Variants in FLT1 observed in about 807,000 individuals in gnomAD.
FLT1 encodes the protein fms related receptor tyrosine kinase 1, also known as vascular endothelial growth factor receptor 1.
Under a neutral mutation model 156.3 loss-of-function variants are expected in FLT1, and 49 were observed. That is an observed-to-expected ratio of 0.31 (90% CI 0.25 to 0.40). The LOEUF is 0.40. FLT1 is among the 10% of genes least tolerant of loss of function. The pLI is 1.00. For synonymous variants in FLT1, 594 were observed against 583.8 expected (o/e 1.02, Z -0.25); for missense variants, 1,322 against 1,637.2 (o/e 0.81, Z 3.32).
At chr13:28,309,423 G>C (rs758672891) in intron 27 of FLT1, among the ~76,000 whole-genome samples, 4 of 152,188 alleles carry the variant, frequency 2.6e-5, no homozygotes, top group South Asian at 2.1e-4. Context: ...GGGAGAATTG[G>C]GTAGTGTTGT....
Position 28,368,629 on chromosome 13 carries a change from TGAC to T in FLT1, c.2117-10947_2117-10945del, listed in dbSNP as rs1183638482. ...ATGATGATGATGACAATGGTGATGATGACGATGACGATGGTGACGTTGATGTAT... is the reference window on the plus strand; with the variant it reads ...ATGATGATGATGACAATGGTGATGATGATGACGATGGTGACGTTGATGTAT... On this transcript the variant is annotated intron_variant, in intron 14 of 29. Coordinates refer to ENST00000282397, the MANE Select transcript of FLT1 (RefSeq NM_002019.4). 3 of 1,277,388 alleles carry T rather than the reference TGAC, an allele frequency of 2.3e-6. No individual in the cohort carries two copies. The African/African-American group carries it at 4.5e-5, about 19-fold the overall frequency. The allele number at this position is 1,277,388 out of a possible 1,614,324, so 79.1% of individuals were successfully genotyped here. A position where few individuals can be genotyped will look rare whatever the true frequency, so the allele number is the denominator to read the frequency against.
intron 25 of FLT1, among the ~76,000 whole-genome samples, chr13:28,312,810 AC>A (rs2138815400): frequency 6.6e-6 from 1 of 152,262 alleles, no homozygotes; most frequent in African/African-American, 2.4e-5. Context: ...AGCCGCTGTT[AC>A]AAACTGGCCT....
intron 11 of FLT1, among the ~76,000 whole-genome samples, chr13:28,403,461 TGG>T (rs1875588910): frequency 6.6e-6 from 1 of 152,226 alleles, no homozygotes; most frequent in Non-Finnish European, 1.5e-5. Context: ...TGCCACTTCA[TGG>T]TTTGGGTTAG....
intron 20 of FLT1, among the ~76,000 whole-genome samples, chr13:28,327,239 T>C (rs1300076368): frequency 2.0e-5 from 3 of 152,266 alleles, no homozygotes; most frequent in Non-Finnish European, 4.4e-5. Context: ...TCTCCAATTA[T>C]GGCTGCATAC....
chr13:28,456,343 C>T (rs1879261894), intron 3 of FLT1, among the ~76,000 whole-genome samples: 1 of 151,462 alleles, frequency 6.6e-6, no homozygotes, highest in Admixed American at 6.6e-5. Context: ...GAATATTATT[C>T]AGCAATAAAA....
chr13:28,459,815 G>A (rs1404887458), intron 3 of FLT1, among the ~76,000 whole-genome samples: 1 of 152,176 alleles, frequency 6.6e-6, no homozygotes, highest in Non-Finnish European at 1.5e-5. Flanking sequence ...TATTTTTGAA[G>A]CTTTGGCAAT....
intron 19 of FLT1, 37 bp downstream of exon 19, chr13:28,329,577 CA>C: frequency 7.2e-7 from 1 of 1,396,474 alleles, no homozygotes. Flanking sequence ...CCAGCCTGTG[CA>C]GGGGGAGACG....
At chr13:28,362,665 G>GA (rs1450261694) in intron 14 of FLT1, among the ~76,000 whole-genome samples, 1 of 151,782 alleles carries the variant, frequency 6.6e-6, no homozygotes, top group African/African-American at 2.4e-5. Flanking sequence ...CTAAAACTTG[G>GA]AAAAAACAAC....
chr13:28,326,601 C>G (rs1593682644), intron 20 of FLT1, among the ~76,000 whole-genome samples: 1 of 141,524 alleles, frequency 7.1e-6, no homozygotes, highest in East Asian at 2.2e-4. Context: ...TCTCGGCTCA[C>G]TGCAACCTCA....
chr13:28,381,769 G>A (rs1226743627), intron 14 of FLT1, among the ~76,000 whole-genome samples: 1 of 152,084 alleles, frequency 6.6e-6, no homozygotes, highest in Non-Finnish European at 1.5e-5. Flanking sequence ...CATTCTACAT[G>A]TTAGACTAAA....
chr13:28,388,529 T>C (rs7337610), intron 13 of FLT1: 626,697 of 1,040,722 alleles, frequency 0.6, 192,004 homozygotes, highest in South Asian at 0.64. Context: ...ACAATGCATA[T>C]TAAATTGGTG....
At position 28,418,985 on chromosome 13, in the gene FLT1, A is replaced by G. The variant is rs1295003377; in HGVS notation, c.1436+8174T>C. Among the ~76,000 whole-genome samples, 4 of 152,320 alleles carry G rather than the reference A, an allele frequency of 2.6e-5. No individual in the cohort carries two copies. In the East Asian group the frequency reaches 7.7e-4, roughly 29 times the overall value. On this transcript the variant is annotated intron_variant, in intron 10 of 29. Transcript: ENST00000282397. ...ACCATTCCGTAAAACTGTTGTTCAG[A>G]TTAGAGATAATGTGTGTAAAGGGAT...
At position 28,304,866 on chromosome 13, in the gene FLT1, C is replaced by T. The variant is rs577312794; in HGVS notation, c.3816-1498G>A. 2.0e-5 allele frequency among the ~76,000 whole-genome samples: 3 copies of T among 152,198 alleles called. No individual in the cohort carries two copies. In the East Asian group the frequency reaches 5.8e-4, roughly 29 times the overall value. On this transcript the variant is annotated intron_variant, in intron 29 of 29. Transcript: ENST00000282397. ...ATCCATATTGTAGCATGCATGCATA[C>T]TTCACACTTTTTATTGACAATATTA...
intron 17 of FLT1, among the ~76,000 whole-genome samples, chr13:28,334,390 C>T (rs1872038127): frequency 6.6e-6 from 1 of 152,196 alleles, no homozygotes; most frequent in Non-Finnish European, 1.5e-5. Context: ...GTCCAGTTTC[C>T]TTTCCACAGC....
At chr13:28,453,760 A>T (rs1879112408) in intron 3 of FLT1, among the ~76,000 whole-genome samples, 2 of 152,186 alleles carry the variant, frequency 1.3e-5, no homozygotes, top group Admixed American at 1.3e-4. Context: ...GTCAGGTAAG[A>T]CTAATATACT....
At chr13:28,422,453 G>T (rs1877068754) in intron 10 of FLT1, among the ~76,000 whole-genome samples, 1 of 152,192 alleles carries the variant, frequency 6.6e-6, no homozygotes, top group South Asian at 2.1e-4. Flanking sequence ...GTGATCTAAA[G>T]AATGTGTGCT....
At chr13:28,427,487 AAGT>A (rs1192855314) in intron 9 of FLT1, among the ~76,000 whole-genome samples, 169 bp from the exon 10 acceptor site, 2 of 152,204 alleles carry the variant, frequency 1.3e-5, no homozygotes, top group African/African-American at 2.4e-5. Context: ...AGATTTTTAA[AAGT>A]AGTAGCAGGG....
chr13:28,395,694 C>T (rs1258486193), intron 12 of FLT1, among the ~76,000 whole-genome samples: 1 of 152,200 alleles, frequency 6.6e-6, no homozygotes, highest in Non-Finnish European at 1.5e-5. Context: ...TCACCTGTCA[C>T]ATTACCTCTG....
At chr13:28,372,591 T>A (rs1434831877) in intron 14 of FLT1, among the ~76,000 whole-genome samples, 1 of 134,274 alleles carries the variant, frequency 7.4e-6, no homozygotes, top group Non-Finnish European at 1.6e-5. Context: ...TATATATATA[T>A]ATATATATAT....
Sources: allele counts gnomAD v4.1 joint callset (sites outside exome capture counted in the v4.1 genomes callset), GRCh38; gene constraint gnomAD v4.1.1; transcripts MANE v1.5; gene names NCBI Gene and HGNC (gene_info 2026-07-23, HGNC 2026-07-21).